Variants in PPM1L observed in about 807,000 individuals in gnomAD.
PPM1L encodes protein phosphatase 1L.
In PPM1L, 13 loss-of-function variants were observed where a neutral mutation model predicts 31.4. That is an observed-to-expected ratio of 0.41 (90% CI 0.27 to 0.66). The LOEUF (loss-of-function observed/expected upper bound fraction) is 0.66. PPM1L is among the 30% of genes least tolerant of loss of function. PPM1L has a pLI of 0.29. For missense variants in PPM1L, 326 were observed against 453.7 expected (o/e 0.72, Z 2.56); for synonymous variants, 184 against 175.4 (o/e 1.05, Z -0.39).
At chr3:160,956,628 A>C (rs1715783598) in intron 1 of PPM1L, among the ~76,000 whole-genome samples, 1 of 152,270 alleles carries the variant, frequency 6.6e-6, no homozygotes, top group Admixed American at 6.5e-5. Context: ...GGAAAGCATT[A>C]AATAAAGCCT....
intron 2 of PPM1L, among the ~76,000 whole-genome samples, chr3:161,044,718 G>A (rs969816855): frequency 3.3e-5 from 5 of 152,110 alleles, no homozygotes; most frequent in South Asian, 2.1e-4. Context: ...ATCAACTAAC[G>A]AGCAAAATAA....
rs146832059 is a variant in PPM1L, at chr3:160,935,170, G to A, written c.400-26566G>A. 7.3e-4 allele frequency among the ~76,000 whole-genome samples: 111 copies of A among 152,262 alleles called. 1 individual carries two copies. Among genetic ancestry groups the A allele is most frequent in the African/African-American group, 2.2e-3 (90 of 41,546 alleles). On this transcript the variant is annotated intron_variant, in intron 1 of 3. Transcript: ENST00000498165. ...TGAGCTGCTTGGGACCATCCAGAGA[G>A]CTTGTAGAACCAAATATGTAGTCGT...
chr3:160,877,132 A>G (rs1330050358), intron 1 of PPM1L, among the ~76,000 whole-genome samples: 2 of 152,122 alleles, frequency 1.3e-5, no homozygotes, highest in African/African-American at 4.8e-5. Context: ...TAATTTGAAT[A>G]CTCTTCAAAG....
intron 2 of PPM1L, among the ~76,000 whole-genome samples, chr3:161,029,266 G>A (rs1718494617): frequency 6.6e-6 from 1 of 152,298 alleles, no homozygotes; most frequent in South Asian, 2.1e-4. Context: ...TACAGAAAGA[G>A]CCAGACTTAG....
At chr3:161,061,903 T>C (rs1279678974) in intron 2 of PPM1L, among the ~76,000 whole-genome samples, 5 of 152,112 alleles carry the variant, frequency 3.3e-5, no homozygotes, top group African/African-American at 1.2e-4. Flanking sequence ...AGAAAGGCAT[T>C]TATTGTCTCA....
chr3:160,888,139 A>T (rs1243155049), intron 1 of PPM1L, among the ~76,000 whole-genome samples: 1 of 152,216 alleles, frequency 6.6e-6, no homozygotes, highest in Admixed American at 6.5e-5. Context: ...GTGCAAAATA[A>T]CCAGATAGCA....
chr3:160,770,882 G>A (rs1179642789), intron 1 of PPM1L, among the ~76,000 whole-genome samples: 1 of 152,172 alleles, frequency 6.6e-6, no homozygotes, highest in Non-Finnish European at 1.5e-5. Flanking sequence ...TAAAGAAATA[G>A]TGGCTGCTTG....
intron 1 of PPM1L, among the ~76,000 whole-genome samples, chr3:160,960,171 G>C (rs551258042): frequency 6.6e-6 from 1 of 151,978 alleles, no homozygotes; most frequent in Admixed American, 6.6e-5. Flanking sequence ...ATATCAGTAT[G>C]TATGTTTAAT....
intron 2 of PPM1L, among the ~76,000 whole-genome samples, chr3:161,009,414 C>T (rs565131691): frequency 6.6e-6 from 1 of 152,102 alleles, no homozygotes; most frequent in Admixed American, 6.5e-5. Flanking sequence ...AATATGTGAC[C>T]GTATTTAGAG....
At chr3:160,793,842 A>G (rs1576640291) in intron 1 of PPM1L, among the ~76,000 whole-genome samples, 1 of 152,298 alleles carries the variant, frequency 6.6e-6, no homozygotes, top group East Asian at 1.9e-4. Flanking sequence ...TGTTTATGCA[A>G]ATGAAGGATT....
chr3:160,837,805 A>G (rs930895489), intron 1 of PPM1L, among the ~76,000 whole-genome samples: 2 of 152,192 alleles, frequency 1.3e-5, no homozygotes, highest in African/African-American at 2.4e-5. Flanking sequence ...TCATGTAACC[A>G]TGTGAACTTG....
intron 1 of PPM1L, among the ~76,000 whole-genome samples, chr3:160,843,450 A>G (rs1443783830): frequency 2.7e-5 from 3 of 111,478 alleles, no homozygotes; most frequent in Non-Finnish European, 5.9e-5. Flanking sequence ...ATATATATAT[A>G]TATATATATA....
chr3:160,932,218 G>C (rs1201298685), intron 1 of PPM1L, among the ~76,000 whole-genome samples: 2 of 152,178 alleles, frequency 1.3e-5, no homozygotes, highest in Non-Finnish European at 2.9e-5. Context: ...AGGATGGATT[G>C]AGAAAAGCCT....
chr3:160,926,278 T>G (rs561788608), intron 1 of PPM1L, among the ~76,000 whole-genome samples: 1 of 152,340 alleles, frequency 6.6e-6, no homozygotes, highest in East Asian at 1.9e-4. Flanking sequence ...AATAGGTTGT[T>G]CCATGCATTT....
At chr3:160,970,444 AAT>A (rs147369718) in intron 2 of PPM1L, among the ~76,000 whole-genome samples, 54,693 of 118,374 alleles carry the variant, frequency 0.46, 12,496 homozygotes, top group Middle Eastern at 0.6. Flanking sequence ...AACCAAGCTG[AAT>A]ATTTTTTTTT....
chr3:160,808,613 C>A (rs1712714517), intron 1 of PPM1L, among the ~76,000 whole-genome samples: 1 of 152,138 alleles, frequency 6.6e-6, no homozygotes, highest in Non-Finnish European at 1.5e-5. Flanking sequence ...GAGAAGCAGC[C>A]AGCCCCAAAG....
chr3:160,995,393 T>C (rs545827184), intron 2 of PPM1L, among the ~76,000 whole-genome samples: 1 of 152,270 alleles, frequency 6.6e-6, no homozygotes, highest in Non-Finnish European at 1.5e-5. Flanking sequence ...CAATCTCGAC[T>C]TACTGCAACC....
At chr3:160,902,016 T>G (rs1713561758) in intron 1 of PPM1L, among the ~76,000 whole-genome samples, 1 of 152,160 alleles carries the variant, frequency 6.6e-6, no homozygotes, top group Non-Finnish European at 1.5e-5. Flanking sequence ...TTTTGTTATT[T>G]CCATAGGATT....
At chr3:161,048,500 A>T (rs112230416) in intron 2 of PPM1L, among the ~76,000 whole-genome samples, 7 of 152,310 alleles carry the variant, frequency 4.6e-5, no homozygotes, top group African/African-American at 1.7e-4. Context: ...AACTAGTACA[A>T]CCATTGTGGA....
Sources: allele counts gnomAD v4.1 joint callset (sites outside exome capture counted in the v4.1 genomes callset), GRCh38; gene constraint gnomAD v4.1.1; transcripts MANE v1.5; gene names NCBI Gene and HGNC (gene_info 2026-07-23, HGNC 2026-07-21).